Variants in FBXW8 observed in about 807,000 individuals in gnomAD.
FBXW8 encodes the protein F-box and WD repeat domain containing 8.
FBXW8 carries 57 observed loss-of-function variants against 65.3 expected under a neutral mutation model. That is an observed-to-expected ratio of 0.87 (90% CI 0.71 to 1.09). The LOEUF (loss-of-function observed/expected upper bound fraction) is 1.09. FBXW8 is among the 50% of genes least tolerant of loss of function. FBXW8 has a pLI of 0.00. For synonymous variants in FBXW8, 308 were observed against 330.2 expected (o/e 0.93, Z 0.73); for missense variants, 777 against 814.8 (o/e 0.95, Z 0.57).
intron 1 of FBXW8, among the ~76,000 whole-genome samples, chr12:116,916,740 C>T (rs1033415548): frequency 6.6e-6 from 1 of 152,072 alleles, no homozygotes; most frequent in African/African-American, 2.4e-5. Context: ...TTAAAAACAC[C>T]ATCCAAAACG....
At chr12:116,928,171 G>T in intron 2 of FBXW8, 44 bp downstream of exon 2, 1 of 1,224,586 alleles carries the variant, frequency 8.2e-7, no homozygotes, top group South Asian at 1.2e-5. Context: ...CTAAATGTGT[G>T]ATTAAGGTAT....
At chr12:116,913,391 C>T (rs1413354087) in intron 1 of FBXW8, among the ~76,000 whole-genome samples, 2 of 152,182 alleles carry the variant, frequency 1.3e-5, no homozygotes, top group Non-Finnish European at 2.9e-5. Context: ...TTTTGACTCT[C>T]CCAAAACTTA....
chr12:117,025,610 A>G (rs76326370), intron 9 of FBXW8, among the ~76,000 whole-genome samples: 2,553 of 152,288 alleles, frequency 0.017, 76 homozygotes, highest in African/African-American at 0.057. Context: ...TGTGGCCGGC[A>G]CATTTTATCA....
At chr12:117,013,722 CAG>C (rs1953879825) in intron 8 of FBXW8, among the ~76,000 whole-genome samples, 6 of 151,990 alleles carry the variant, frequency 3.9e-5, no homozygotes. Context: ...TTCTTGGAAT[CAG>C]TGGTGTTTTC....
intron 4 of FBXW8, 32 bp from the exon 5 acceptor site, chr12:116,964,665 C>G (rs2137390744): frequency 6.2e-7 from 1 of 1,612,596 alleles, no homozygotes; most frequent in South Asian, 1.1e-5. Flanking sequence ...CTTCAATCTC[C>G]TTTTGGAACC....
At chr12:116,930,254 A>G (rs1213799610) in intron 2 of FBXW8, among the ~76,000 whole-genome samples, 1 of 152,238 alleles carries the variant, frequency 6.6e-6, no homozygotes, top group Non-Finnish European at 1.5e-5. Flanking sequence ...CTGTTTCCTT[A>G]ATGGCTGTGC....
At chr12:116,921,487 G>A (rs1880898693) in intron 1 of FBXW8, among the ~76,000 whole-genome samples, 1 of 152,134 alleles carries the variant, frequency 6.6e-6, no homozygotes, top group Admixed American at 6.6e-5. Context: ...CTTAGGGGAC[G>A]ATCTATATTG....
At chr12:116,913,205 G>T (rs140268725) in intron 1 of FBXW8, among the ~76,000 whole-genome samples, 89 of 152,302 alleles carry the variant, frequency 5.8e-4, no homozygotes, top group African/African-American at 2.1e-3. Context: ...ATACTCTACT[G>T]TATAGCCTCC....
At chr12:117,021,061 A>G (rs556956542) in intron 8 of FBXW8, among the ~76,000 whole-genome samples, 1 of 152,190 alleles carries the variant, frequency 6.6e-6, no homozygotes, top group African/African-American at 2.4e-5. Context: ...CCAGAGAAGG[A>G]TTTCTGCTCG....
chr12:116,973,872 G>A (rs1321597416), intron 5 of FBXW8, among the ~76,000 whole-genome samples: 1 of 152,150 alleles, frequency 6.6e-6, no homozygotes, highest in Non-Finnish European at 1.5e-5. Flanking sequence ...AAAATAAAAA[G>A]ATAAAAAATA....
At chr12:117,021,635 A>G (rs912139837) in intron 8 of FBXW8, among the ~76,000 whole-genome samples, 2 of 151,676 alleles carry the variant, frequency 1.3e-5, no homozygotes, top group Admixed American at 1.3e-4. Flanking sequence ...CTTTGATTCT[A>G]TTTATTTTTA....
chr12:117,010,461 T>G lies in FBXW8; in HGVS notation c.1367+11T>G. 6.2e-7 allele frequency: 1 copy of G among 1,614,200 alleles called. No individual in the cohort carries two copies. Among genetic ancestry groups the G allele is most frequent in the Non-Finnish European group, 8.5e-7 (1 of 1,180,034 alleles). On this transcript the variant is annotated intron_variant, in intron 8 of 10. Transcript: ENST00000652555. ...CAACATGGACGGGAGGTACGTGAGTTGGAAGGGCATTGCCTTGCAGCCCCA... is the reference window on the plus strand; with the variant it reads ...CAACATGGACGGGAGGTACGTGAGTGGGAAGGGCATTGCCTTGCAGCCCCA...
At chr12:116,925,986 G>A (rs1190612238) in intron 1 of FBXW8, among the ~76,000 whole-genome samples, 1 of 152,192 alleles carries the variant, frequency 6.6e-6, no homozygotes, top group African/African-American at 2.4e-5. Flanking sequence ...GATACTGGTG[G>A]CAGGGCTAGG....
intron 7 of FBXW8, among the ~76,000 whole-genome samples, chr12:116,991,465 A>C (rs1953239229): frequency 6.6e-6 from 1 of 152,226 alleles, no homozygotes; most frequent in Admixed American, 6.5e-5. Context: ...ATGTGATGTC[A>C]TAATTCCCAA....
chr12:117,016,570 G>T (rs1953951575), intron 8 of FBXW8, among the ~76,000 whole-genome samples: 1 of 150,578 alleles, frequency 6.6e-6, no homozygotes, highest in South Asian at 2.1e-4. Context: ...TCTGTGGGTT[G>T]TCTTTTCGCT....
chr12:116,924,365 A>G (rs950926540), intron 1 of FBXW8, among the ~76,000 whole-genome samples: 1 of 152,220 alleles, frequency 6.6e-6, no homozygotes, highest in Non-Finnish European at 1.5e-5. Context: ...TACAATGTAT[A>G]TTGACCAAAT....
At chr12:116,983,076 A>G (rs185066806) in intron 5 of FBXW8, among the ~76,000 whole-genome samples, 76 of 152,348 alleles carry the variant, frequency 5.0e-4, no homozygotes, top group African/African-American at 1.8e-3. Flanking sequence ...GTGAATGCCC[A>G]GTGAGAGGAG....
At chr12:116,972,586 C>T (rs957843791) in intron 5 of FBXW8, among the ~76,000 whole-genome samples, 10 of 151,972 alleles carry the variant, frequency 6.6e-5, no homozygotes, top group African/African-American at 1.7e-4. Context: ...GGAAGCTGAG[C>T]GAGGCAGTGG....
rs887081027 is a variant in FBXW8 at position 116,949,703 on chromosome 12, C to T, written c.674C>T (p.Ala225Val). ...CATTCTCACGATGGTGTGGTCATTGCGGGGTAAGCCAAACCGTTTCCACTG... is the reference window on the plus strand; with the variant it reads ...CATTCTCACGATGGTGTGGTCATTGTGGGGTAAGCCAAACCGTTTCCACTG... ...DVHSHDGVVIAGYTSGDVRVW... is the reference protein window; with the variant it reads ...DVHSHDGVVIVGYTSGDVRVW... The change falls in exon 4 of 11, where the codon GCG becomes GTG. Residue 225 changes from alanine (A) to valine (V), a missense_variant. Coordinates refer to ENST00000652555, the MANE Select transcript of FBXW8 (RefSeq NM_153348.3). 43 of 1,613,864 alleles carry T rather than the reference C, an allele frequency of 2.7e-5. No individual in the cohort carries two copies. The highest frequency in any genetic ancestry group is 4.5e-5 in the East Asian group (2 of 44,892).
Sources: gnomAD v4.1 joint callset for allele counts (sites outside exome capture counted in the v4.1 genomes callset) on GRCh38, gnomAD v4.1.1 for gene constraint, MANE v1.5 for transcripts, NCBI Gene and HGNC (gene_info 2026-07-23, HGNC 2026-07-21) for gene names.